The following TAF12 variants were observed in gnomAD, a reference collection of about 807,000 sequenced individuals.
TAF12 encodes TATA-box binding protein associated factor 12.
In TAF12, 3 loss-of-function variants were observed where a neutral mutation model predicts 20.8. The ratio of observed to expected loss-of-function variants is 0.14; its 90% confidence interval spans 0.07 to 0.37. The LOEUF is 0.37. Ranked by LOEUF, TAF12 falls within the 10% of genes least tolerant of loss-of-function variation. TAF12 has a pLI of 1.00. For missense variants in TAF12, 131 were observed against 197.9 expected (o/e 0.66, Z 2.03); for synonymous variants, 69 against 70.2 (o/e 0.98, Z 0.09).
At chr1:28,626,891 A>G (rs1311128493) in intron 1 of TAF12, among the ~76,000 whole-genome samples, 1 of 152,128 alleles carries the variant, frequency 6.6e-6, no homozygotes, top group Non-Finnish European at 1.5e-5. Context: ...AGCTTGGGCG[A>G]CAAGGGCGAA....
At chr1:28,626,391 C>G (rs1667394804) in intron 1 of TAF12, among the ~76,000 whole-genome samples, 1 of 151,586 alleles carries the variant, frequency 6.6e-6, no homozygotes, top group Non-Finnish European at 1.5e-5. Flanking sequence ...ACCAGCCTGG[C>G]CAACATGATG....
intron 1 of TAF12, among the ~76,000 whole-genome samples, chr1:28,625,715 G>A (rs1667360598): frequency 6.6e-6 from 1 of 151,768 alleles, no homozygotes; most frequent in Admixed American, 6.6e-5. Context: ...CTATTTTTTT[G>A]TATTTTTAGT....
At chr1:28,647,361 C>G (rs1295224467), upstream of TAF12, among the ~76,000 whole-genome samples, 2 of 151,994 alleles carry the variant, frequency 1.3e-5, no homozygotes, top group Non-Finnish European at 2.9e-5. Context: ...GATTATGGCT[C>G]ACTGTAGCCT....
upstream of TAF12, among the ~76,000 whole-genome samples, chr1:28,643,954 C>G (rs1668121151): frequency 6.6e-6 from 1 of 151,632 alleles, no homozygotes; most frequent in Non-Finnish European, 1.5e-5. Flanking sequence ...CGGAGGCTGA[C>G]GCAGAGAACT....
chr1:28,622,665 G>A (rs1368881181), intron 1 of TAF12, among the ~76,000 whole-genome samples: 1 of 152,050 alleles, frequency 6.6e-6, no homozygotes, highest in Non-Finnish European at 1.5e-5. Flanking sequence ...GAAGTGGAAG[G>A]ACCACTTGAG....
intron 1 of TAF12, among the ~76,000 whole-genome samples, chr1:28,636,951 C>G (rs1176783746): frequency 6.6e-6 from 1 of 152,128 alleles, no homozygotes; most frequent in East Asian, 1.9e-4. Flanking sequence ...CCACCATGCT[C>G]CAGCCTGGAA....
At chr1:28,641,311 T>G (rs1289347471) in intron 1 of TAF12, among the ~76,000 whole-genome samples, 2 of 151,634 alleles carry the variant, frequency 1.3e-5, no homozygotes, top group Non-Finnish European at 2.9e-5. Flanking sequence ...GGCAAAAACC[T>G]GTCTCTACTA....
chr1:28,611,942 G>GT (rs1402783320), intron 4 of TAF12, among the ~76,000 whole-genome samples: 2 of 152,092 alleles, frequency 1.3e-5, no homozygotes, highest in Non-Finnish European at 2.9e-5. Context: ...CTAAACCACT[G>GT]TTTTTGGGGT....
intron 4 of TAF12, among the ~76,000 whole-genome samples, chr1:28,608,683 A>G (rs927628684): frequency 6.6e-6 from 1 of 151,700 alleles, no homozygotes; most frequent in African/African-American, 2.4e-5. Flanking sequence ...TGAACCCGGG[A>G]GGCAGAGGTT....
At chr1:28,647,514 C>T (rs1218108813), upstream of TAF12, among the ~76,000 whole-genome samples, 1 of 151,914 alleles carries the variant, frequency 6.6e-6, no homozygotes, top group Non-Finnish European at 1.5e-5. Context: ...TCTCAAACTC[C>T]TGGGCTCTCA....
intron 1 of TAF12, among the ~76,000 whole-genome samples, chr1:28,632,949 C>T (rs1302265125): frequency 6.6e-6 from 1 of 151,946 alleles, no homozygotes; most frequent in Admixed American, 6.6e-5. Context: ...CTGCAACCTC[C>T]GCCTGCCAGG....
At chr1:28,643,206 T>C, upstream of TAF12, 2 of 720,736 alleles carry the variant, frequency 2.8e-6, no homozygotes, top group Non-Finnish European at 1.7e-6. Flanking sequence ...TATTGAGCTG[T>C]GTGTAGGTAC....
At chr1:28,616,105 G>T (rs750270813) in intron 3 of TAF12, among the ~76,000 whole-genome samples, 16 of 152,106 alleles carry the variant, frequency 1.1e-4, no homozygotes, top group Non-Finnish European at 2.1e-4. Context: ...CTTTAAGAAT[G>T]AATAGCCAGG....
chr1:28,640,701 A>G (rs1161635076), intron 1 of TAF12, among the ~76,000 whole-genome samples: 1 of 152,176 alleles, frequency 6.6e-6, no homozygotes, highest in African/African-American at 2.4e-5. Flanking sequence ...CATCCCTAGT[A>G]AATGTTTGCA....
intron 3 of TAF12, among the ~76,000 whole-genome samples, chr1:28,615,884 C>T (rs946927680): frequency 1.3e-5 from 2 of 151,940 alleles, no homozygotes; most frequent in Non-Finnish European, 2.9e-5. Flanking sequence ...TAGAGTGAAC[C>T]GAGACCAGCT....
At position 28,603,439 on chromosome 1, in the gene TAF12, T is replaced by C. The variant is rs938014847; in HGVS notation, c.*100A>G. ...TGTTAATAAAAAATATATGCTTCTC[T>C]GTAAAGCATTAAAAAAAAAAATCCA... is the stretch of plus-strand genomic sequence containing the variant. On this transcript the variant is annotated 3_prime_UTR_variant, in exon 6 of 6. Coordinates refer to ENST00000373824, the MANE Select transcript of TAF12 (RefSeq NM_005644.4). 5 of 1,235,310 alleles carry C rather than the reference T, an allele frequency of 4.0e-6. No individual in the cohort carries two copies. Among genetic ancestry groups the C allele is most frequent in the Non-Finnish European group, 5.9e-6 (5 of 844,756 alleles). 76.5% of individuals were successfully genotyped at this position (1,235,310 alleles called of 1,614,324 possible). A position where few individuals can be genotyped will look rare whatever the true frequency, so the allele number is the denominator to read the frequency against.
At chr1:28,609,040 C>T (rs984568088) in intron 4 of TAF12, among the ~76,000 whole-genome samples, 44 of 152,090 alleles carry the variant, frequency 2.9e-4, no homozygotes, top group African/African-American at 9.4e-4. Context: ...TACCTATATG[C>T]GTTATGTGTG....
At chr1:28,615,616 T>C (rs1667007427) in intron 3 of TAF12, among the ~76,000 whole-genome samples, 2 of 126,260 alleles carry the variant, frequency 1.6e-5, no homozygotes, top group Admixed American at 1.1e-4. Context: ...GAGGTGGAGG[T>C]TGCAGTGAGC....
chr1:28,642,698 T>C, intron 1 of TAF12: 2 of 985,470 alleles, frequency 2.0e-6, no homozygotes, highest in Non-Finnish European at 1.2e-6. Context: ...TTTCTGACCC[T>C]TTCCTCGTAG....
Sources: gnomAD v4.1 joint callset for allele counts (sites outside exome capture counted in the v4.1 genomes callset) on GRCh38, gnomAD v4.1.1 for gene constraint, MANE v1.5 for transcripts, NCBI Gene and HGNC (gene_info 2026-07-23, HGNC 2026-07-21) for gene names.